Variants in BIN2 observed in about 807,000 individuals in gnomAD.
BIN2 encodes the protein breast cancer associated protein BRAP1.
A neutral mutation model predicts 67.9 loss-of-function variants in BIN2; 43 were observed. The observed-to-expected ratio is 0.63, with a 90% confidence interval of 0.50 to 0.82. BIN2 has a LOEUF of 0.82. Ranked by LOEUF, BIN2 falls within the 40% of genes least tolerant of loss-of-function variation. The pLI, the probability that BIN2 is intolerant of heterozygous loss-of-function variation, is 0.00. For synonymous variants in BIN2, 244 were observed against 246.8 expected (o/e 0.99, Z 0.11); for missense variants, 581 against 671.6 (o/e 0.87, Z 1.49).
At chr12:51,320,358 T>C (rs1270927183) in intron 1 of BIN2, among the ~76,000 whole-genome samples, 1 of 152,184 alleles carries the variant, frequency 6.6e-6, no homozygotes, top group African/African-American at 2.4e-5. Context: ...AAAGTAAGCT[T>C]TCCTTAAAAG....
intron 1 of BIN2, among the ~76,000 whole-genome samples, chr12:51,321,103 CAA>C (rs1197622984): frequency 8.6e-5 from 13 of 151,396 alleles, no homozygotes; most frequent in Admixed American, 3.3e-4. Flanking sequence ...GATGCCTGAA[CAA>C]AAAGTGTTTC....
upstream of BIN2, chr12:51,324,401 G>T: frequency 7.3e-7 from 1 of 1,364,346 alleles, no homozygotes; most frequent in Non-Finnish European, 9.7e-7. Context: ...CTCAGTGGTG[G>T]GCCCACACTC....
intron 10 of BIN2, among the ~76,000 whole-genome samples, chr12:51,289,089 C>T (rs574399550): frequency 3.7e-4 from 56 of 152,152 alleles, no homozygotes; most frequent in African/African-American, 1.3e-3. Flanking sequence ...ATTTTCAAGG[C>T]GGCCCATCCC....
At chr12:51,302,558 G>T (rs1215080300) in intron 4 of BIN2, 128 bp downstream of exon 4, 2 of 778,442 alleles carry the variant, frequency 2.6e-6, no homozygotes, top group Non-Finnish European at 4.3e-6. Flanking sequence ...AGTGACTGAG[G>T]CTACACAAAT....
At chr12:51,323,874 C>T in intron 1 of BIN2, 148 bp downstream of exon 1, 1 of 991,004 alleles carries the variant, frequency 1.0e-6, no homozygotes, top group Non-Finnish European at 1.4e-6. Flanking sequence ...TCCTCGCTCC[C>T]GTTTCCCTGG....
chr12:51,287,342 T>G (rs1467505422), intron 11 of BIN2, among the ~76,000 whole-genome samples: 1 of 151,792 alleles, frequency 6.6e-6, no homozygotes, highest in African/African-American at 2.4e-5. Context: ...TTTTTTGTTT[T>G]TTTTTTTGAG....
intron 1 of BIN2, among the ~76,000 whole-genome samples, chr12:51,322,312 G>GC (rs1473742824): frequency 6.6e-6 from 1 of 152,222 alleles, no homozygotes; most frequent in African/African-American, 2.4e-5. Flanking sequence ...AAAGCCCAAA[G>GC]CAAGGTTTTA....
chr12:51,291,865 G>C lies in BIN2; in HGVS notation c.1241C>G (p.Pro414Arg), dbSNP rs760548195. 7 of 1,614,146 alleles carry C rather than the reference G, an allele frequency of 4.3e-6. No homozygotes were observed. In the South Asian group the frequency reaches 7.7e-5, roughly 18 times the overall value. The change falls in exon 10 of 13, where the codon CCT (proline) becomes CGT (arginine). Residue 414 changes from proline (P) to arginine (R), a missense_variant. Coordinates refer to ENST00000615107, the MANE Select transcript of BIN2 (RefSeq NM_016293.4). Reference sequence around the variant, plus strand: ...GGCTCTGGGTGGAGGAGGCCTACTAGGGGGTGCTGAGGTCCTCTGGATAGA... The same window carrying C: ...GGCTCTGGGTGGAGGAGGCCTACTACGGGGTGCTGAGGTCCTCTGGATAGA... The part of the protein sequence containing the change: ...RASIQRTSAP[P>R]SRPPPPRATA...
At chr12:51,320,254 A>C (rs1946236714) in intron 1 of BIN2, among the ~76,000 whole-genome samples, 1 of 152,184 alleles carries the variant, frequency 6.6e-6, no homozygotes, top group South Asian at 2.1e-4. Context: ...TCCTGACCTC[A>C]GGTGATCTAC....
intron 1 of BIN2, among the ~76,000 whole-genome samples, chr12:51,315,339 T>C (rs922102104): frequency 2.0e-5 from 3 of 152,016 alleles, no homozygotes; most frequent in African/African-American, 7.2e-5. Flanking sequence ...CCTGACTAAG[T>C]TTTTTTGTAT....
At chr12:51,295,616 A>T in intron 9 of BIN2, among the ~76,000 whole-genome samples, 180 bp downstream of exon 9, 1 of 79,032 alleles carries the variant, frequency 1.3e-5, no homozygotes, top group Non-Finnish European at 2.7e-5. Flanking sequence ...ATATATATAT[A>T]TATATATATA....
chr12:51,322,259 C>T (rs1946302394), intron 1 of BIN2, among the ~76,000 whole-genome samples: 1 of 152,142 alleles, frequency 6.6e-6, no homozygotes, highest in Non-Finnish European at 1.5e-5. Flanking sequence ...CAGAGCAGGA[C>T]ATTATTTAGC....
Position 51,324,023 on chromosome 12 carries a change from T to A in BIN2, c.80A>T (p.Lys27Met). The A allele has an allele frequency of 6.2e-7, 1 of 1,612,854 alleles. No homozygotes were observed. Among genetic ancestry groups the A allele is most frequent in the East Asian group, 2.2e-5 (1 of 44,762 alleles). The change falls in exon 1 of 13, where the codon AAG (lysine) becomes ATG (methionine). Residue 27 changes from lysine (K) to methionine (M), a missense_variant and splice_region_variant. Transcript: ENST00000615107. ...VQKKFSRAQE[K>M]VLQKLGKAVE... ...AGACAGCGAGGCCCGGCCACCTACC[T>A]TCTCCTGGGCCCTGCTAAACTTCTT... is the stretch of plus-strand genomic sequence containing the variant.
At chr12:51,324,649 G>T, upstream of BIN2, 1 of 1,026,316 alleles carries the variant, frequency 9.7e-7, no homozygotes, top group Non-Finnish European at 1.3e-6. Context: ...ACCCGAGCCG[G>T]GCTTGAAAGA....
At chr12:51,294,573 AAAAAAAAC>A (rs1945483395) in intron 9 of BIN2, among the ~76,000 whole-genome samples, 1 of 151,832 alleles carries the variant, frequency 6.6e-6, no homozygotes, top group Admixed American at 6.6e-5. Context: ...TCTCAAAAAA[AAAAAAAAC>A]AAAAAAAACC....
intron 2 of BIN2, among the ~76,000 whole-genome samples, chr12:51,313,605 T>A (rs1163522052): frequency 2.6e-5 from 4 of 151,922 alleles, no homozygotes; most frequent in Non-Finnish European, 5.9e-5. Flanking sequence ...CCTCCCAAAG[T>A]GTTGGGATTA....
chr12:51,293,813 G>A (rs747788403), intron 9 of BIN2, among the ~76,000 whole-genome samples: 2 of 152,150 alleles, frequency 1.3e-5, no homozygotes, highest in African/African-American at 4.8e-5. Flanking sequence ...TTGTAAGAAT[G>A]AATAAGTCTG....
At chr12:51,281,709 TTCATTACA>T (rs1219230088) in intron 12 of BIN2, among the ~76,000 whole-genome samples, 181 bp from the exon 13 acceptor site, 1 of 152,174 alleles carries the variant, frequency 6.6e-6, no homozygotes, top group Non-Finnish European at 1.5e-5. Flanking sequence ...GCAGATATTG[TTCATTACA>T]TCATTCACAA....
At chr12:51,302,979 C>G (rs1945769584) in intron 3 of BIN2, 108 bp downstream of exon 3, 6 of 1,351,970 alleles carry the variant, frequency 4.4e-6, no homozygotes, top group Non-Finnish European at 5.3e-6. Context: ...CAAGAGTAGT[C>G]AAATGATAAA....
Sources: gnomAD v4.1 joint callset for allele counts (sites outside exome capture counted in the v4.1 genomes callset) on GRCh38, gnomAD v4.1.1 for gene constraint, MANE v1.5 for transcripts, NCBI Gene and HGNC (gene_info 2026-07-23, HGNC 2026-07-21) for gene names.